PHF20: variants seen among roughly 807,000 people sequenced by gnomAD.
PHF20 encodes glioma-expressed antigen 2.
A neutral mutation model predicts 113.5 loss-of-function variants in PHF20; 23 were observed. That is an observed-to-expected ratio of 0.20 (90% CI 0.15 to 0.29). The LOEUF (loss-of-function observed/expected upper bound fraction) is 0.29. Among genes scored for constraint, PHF20 ranks in the 10% least tolerant of loss-of-function variants. The probability of loss-of-function intolerance (pLI) is 1.00; values close to 1 mark genes in which losing one functional copy is unlikely to be tolerated. For missense variants in PHF20, 943 were observed against 1,219.6 expected (o/e 0.77, Z 3.38); for synonymous variants, 434 against 457.3 (o/e 0.95, Z 0.65).
At chr20:35,946,507 C>A (rs907988658) in intron 17 of PHF20, among the ~76,000 whole-genome samples, 1 of 151,790 alleles carries the variant, frequency 6.6e-6, no homozygotes, top group Non-Finnish European at 1.5e-5. Context: ...CTGATGATTG[C>A]GTATCAATCA....
chr20:35,811,207 C>A (rs886398742), intron 2 of PHF20, among the ~76,000 whole-genome samples: 2 of 151,894 alleles, frequency 1.3e-5, no homozygotes, highest in Admixed American at 1.3e-4. Context: ...TCACCACGCC[C>A]AGCTAATTTT....
At chr20:35,828,243 C>T (rs373288742) in intron 2 of PHF20, among the ~76,000 whole-genome samples, 5 of 152,088 alleles carry the variant, frequency 3.3e-5, no homozygotes, top group Non-Finnish European at 7.3e-5. Context: ...AGGCTGGTCT[C>T]GAACTCCAGG....
intron 2 of PHF20, among the ~76,000 whole-genome samples, chr20:35,806,504 G>C (rs2041884253): frequency 6.6e-6 from 1 of 152,016 alleles, no homozygotes; most frequent in Admixed American, 6.6e-5. Context: ...TTTATGTGTA[G>C]TATGAACTTG....
intron 9 of PHF20, chr20:35,878,769 T>A: frequency 1.4e-6 from 1 of 708,322 alleles, no homozygotes; most frequent in South Asian, 1.6e-5. Flanking sequence ...TAGGAGGAGC[T>A]TGTTTTAGTT....
chr20:35,841,446 A>G (rs140984246), intron 2 of PHF20, among the ~76,000 whole-genome samples: 3 of 152,246 alleles, frequency 2.0e-5, no homozygotes, highest in Non-Finnish European at 4.4e-5. Flanking sequence ...CCATATCTTG[A>G]CAGATAAAAT....
At chr20:35,794,178 G>A (rs564449232) in intron 1 of PHF20, among the ~76,000 whole-genome samples, 91 of 151,250 alleles carry the variant, frequency 6.0e-4, no homozygotes, top group Non-Finnish European at 1.1e-3. Context: ...GCACATACCT[G>A]TAATCCTAGC....
rs1262482518 is a variant in PHF20 at position 35,911,064 on chromosome 20, G to A, written c.1562-2185G>A. ...TTTTTCTATTTTTATTTTTTGAGAC[G>A]GAGTCTTGCACTGTCGCCCAGGCTG... On this transcript the variant is annotated intron_variant, in intron 10 of 17. Transcript: ENST00000374012. Among the ~76,000 whole-genome samples, 7 of 149,920 alleles carry A rather than the reference G, an allele frequency of 4.7e-5. No individual in the cohort carries two copies. In the East Asian group the frequency reaches 1.4e-3, roughly 30 times the overall value.
chr20:35,864,386 T>G (rs1226973592), intron 6 of PHF20, among the ~76,000 whole-genome samples: 1 of 147,086 alleles, frequency 6.8e-6, no homozygotes, highest in East Asian at 2.0e-4. Context: ...GCCTGGACAA[T>G]GTAGTGACAC....
intron 2 of PHF20, among the ~76,000 whole-genome samples, chr20:35,803,276 A>G (rs74466208): frequency 0.057 from 8,637 of 150,996 alleles, 347 homozygotes; most frequent in South Asian, 0.2. Context: ...AAGAAAAAAG[A>G]AAAAATAATT....
intron 1 of PHF20, among the ~76,000 whole-genome samples, chr20:35,778,219 G>C (rs992978151): frequency 1.3e-5 from 2 of 152,118 alleles, no homozygotes. Context: ...GAGTAGCTGG[G>C]ATTATAGGTG....
chr20:35,783,762 A>G (rs533208861), intron 1 of PHF20, among the ~76,000 whole-genome samples: 1 of 151,774 alleles, frequency 6.6e-6, no homozygotes, highest in African/African-American at 2.4e-5. Context: ...TGGGCGGATC[A>G]CCTGAGGTCA....
chr20:35,842,992 T>TGA (rs2042558997), intron 3 of PHF20, among the ~76,000 whole-genome samples: 1 of 152,122 alleles, frequency 6.6e-6, no homozygotes, highest in Non-Finnish European at 1.5e-5. Flanking sequence ...CACTGCAGTC[T>TGA]CCACCTCTCG....
intron 1 of PHF20, among the ~76,000 whole-genome samples, chr20:35,778,144 C>T (rs558185613): frequency 8.6e-5 from 13 of 152,030 alleles, no homozygotes; most frequent in Admixed American, 3.9e-4. Context: ...AGTGTAGTGG[C>T]GCAGTCTTGG....
At chr20:35,882,375 G>A (rs544555263) in intron 9 of PHF20, among the ~76,000 whole-genome samples, 4 of 152,290 alleles carry the variant, frequency 2.6e-5, no homozygotes, top group Non-Finnish European at 5.9e-5. Flanking sequence ...GCCAGAGCAA[G>A]TAGATCCATT....
In PHF20 at chr20:35,948,684, C is replaced by T. The variant is rs927752436; in HGVS notation, c.*1057C>T. The T allele has an allele frequency of 2.6e-5, 4 of 152,576 alleles. No homozygotes were observed. The East Asian group carries it at 5.8e-4, about 22-fold the overall frequency. The allele number at this position is 152,576 out of a possible 1,614,324, so 9.5% of individuals were successfully genotyped here. A position where few individuals can be genotyped will look rare whatever the true frequency, so the allele number is the denominator to read the frequency against. ...CATGCTGCTTAAGGTCCAGGTACAA[C>T]CTATTTGTACCTTTTGAGACAATAT... On this transcript the variant is annotated 3_prime_UTR_variant, in exon 18 of 18. Coordinates refer to ENST00000374012, the MANE Select transcript of PHF20 (RefSeq NM_016436.5).
intron 2 of PHF20, among the ~76,000 whole-genome samples, chr20:35,829,322 A>G (rs1714742332): frequency 1.3e-5 from 2 of 151,994 alleles, no homozygotes; most frequent in Admixed American, 6.6e-5. Flanking sequence ...AACCATTACC[A>G]GCCTACTTCT....
intron 1 of PHF20, chr20:35,800,232 T>A (rs908570932): frequency 6.6e-6 from 1 of 152,034 alleles, no homozygotes; most frequent in South Asian, 2.1e-4. Flanking sequence ...GTAAAACTTA[T>A]AGGAAAATAC....
intron 17 of PHF20, among the ~76,000 whole-genome samples, chr20:35,945,735 A>G (rs1188838885): frequency 6.6e-6 from 1 of 152,136 alleles, no homozygotes; most frequent in Admixed American, 6.5e-5. Context: ...TCTCTCCCCA[A>G]ATGCCAGAGC....
At chr20:35,822,493 A>C (rs1164263313) in intron 2 of PHF20, among the ~76,000 whole-genome samples, 1 of 151,954 alleles carries the variant, frequency 6.6e-6, no homozygotes, top group South Asian at 2.1e-4. Flanking sequence ...AAAAAAATAG[A>C]CTATATTTTA....
Sources: allele counts gnomAD v4.1 joint callset (sites outside exome capture counted in the v4.1 genomes callset), GRCh38; gene constraint gnomAD v4.1.1; transcripts MANE v1.5; gene names NCBI Gene and HGNC (gene_info 2026-07-23, HGNC 2026-07-21).